The following CLIP1 variants were observed in gnomAD, a reference collection of about 807,000 sequenced individuals.
CLIP1 encodes the protein CAP-Gly domain-containing linker protein 1.
Under a neutral mutation model 161.6 loss-of-function variants are expected in CLIP1, and 66 were observed. The ratio of observed to expected loss-of-function variants is 0.41; its 90% CI spans 0.33 to 0.50. CLIP1 has a LOEUF of 0.50. Among genes scored for constraint, CLIP1 ranks in the 20% least tolerant of loss-of-function variants. The probability of loss-of-function intolerance (pLI) is 0.27; values close to 1 mark genes in which losing one functional copy is unlikely to be tolerated. For synonymous variants in CLIP1, 598 were observed against 626.2 expected, an observed-to-expected ratio of 0.96 and a Z score of 0.67; for missense variants, 1,376 against 1,702.0, an observed-to-expected ratio of 0.81 and a Z score of 3.37.
At position 122,414,343 on chromosome 12, in the gene CLIP1, T is replaced by C. The variant is rs1336673947; in HGVS notation, c.-107+8178A>G. ...TTTTAAGTTTTTGTAGAGACGGAAG[T>C]CTCAATGTGTTGCCCAGGCTGATCT... On this transcript the variant is annotated intron_variant, in intron 1 of 25. Coordinates refer to ENST00000620786, the MANE Select transcript of CLIP1 (RefSeq NM_001247997.2). 2.0e-5 allele frequency among the ~76,000 whole-genome samples: 3 copies of C among 151,774 alleles called. 1 individual carries two copies. The Admixed American group carries it at 2.0e-4, about 10-fold the overall frequency.
At chr12:122,335,645 A>G (rs954093404) in intron 12 of CLIP1, among the ~76,000 whole-genome samples, 34 of 152,026 alleles carry the variant, frequency 2.2e-4, no homozygotes, top group African/African-American at 7.5e-4. Flanking sequence ...CATCTCTACT[A>G]AAAATACAAA....
At chr12:122,405,256 A>C (rs1956285805) in intron 1 of CLIP1, among the ~76,000 whole-genome samples, 1 of 152,100 alleles carries the variant, frequency 6.6e-6, no homozygotes, top group African/African-American at 2.4e-5. Flanking sequence ...CATTGCCTAG[A>C]TTCACAAGGG....
At position 122,340,901 on chromosome 12, in the gene CLIP1, G is replaced by A. The variant is rs1393511642; in HGVS notation, c.2303C>T (p.Ala768Val). 1 of 1,614,148 alleles carries A rather than the reference G, an allele frequency of 6.2e-7. No homozygotes were observed. Among genetic ancestry groups the A allele is most frequent in the Admixed American group, 1.7e-5 (1 of 60,016 alleles). ...AAGATCCAAGAGCTTTTCTTCAGTA[G>A]CCTTGAGCTGTGATGTAAAATTATC... ...VIDNFTSQLK[A>V]TEEKLLDLDA... is the part of the protein sequence containing the mutation. Residue 768 changes from alanine (A) to valine (V), a missense_variant, in exon 11 of 26, where the codon GCT becomes GTT. Around this residue, in one of 6 missense-constraint regions of CLIP1, gnomAD observed 948 missense variants for 1,134.8 expected, o/e 0.84. Coordinates refer to ENST00000620786, the MANE Select transcript of CLIP1 (RefSeq NM_001247997.2).
At chr12:122,313,448 C>T (rs1431611363) in intron 19 of CLIP1, among the ~76,000 whole-genome samples, 2 of 152,128 alleles carry the variant, frequency 1.3e-5, no homozygotes, top group Non-Finnish European at 2.9e-5. Flanking sequence ...GTCACCTGGC[C>T]GGGCGTGGTG....
chr12:122,308,222 A>G (rs1460664027), intron 20 of CLIP1, among the ~76,000 whole-genome samples: 2 of 152,186 alleles, frequency 1.3e-5, no homozygotes, highest in African/African-American at 4.8e-5. Context: ...CAGTCCAGTT[A>G]AGGTCACAGC....
chr12:122,347,657 A>C (rs1952814355), intron 9 of CLIP1, among the ~76,000 whole-genome samples, 178 bp from the exon 10 acceptor site: 1 of 152,140 alleles, frequency 6.6e-6, no homozygotes, highest in African/African-American at 2.4e-5. Context: ...GAGGATGAAT[A>C]CCAGGGACAA....
At chr12:122,337,187 C>T (rs1203488355) in intron 11 of CLIP1, among the ~76,000 whole-genome samples, 1 of 151,784 alleles carries the variant, frequency 6.6e-6, no homozygotes, top group East Asian at 1.9e-4. Flanking sequence ...GTGGCTAATG[C>T]CTGTAATCCC....
chr12:122,364,798 GAA>G, intron 3 of CLIP1: 1 of 1,042,834 alleles, frequency 9.6e-7, no homozygotes, highest in South Asian at 1.2e-5. Flanking sequence ...AACACAAAGC[GAA>G]AGAGGAGAGG....
At chr12:122,380,283 A>T in intron 2 of CLIP1, 85 bp downstream of exon 2, 1 of 825,798 alleles carries the variant, frequency 1.2e-6, no homozygotes, top group Non-Finnish European at 1.9e-6. Context: ...CAAGAATATG[A>T]ACAGATATAA....
chr12:122,390,263 CACACAT>C (rs1955569150), intron 1 of CLIP1, among the ~76,000 whole-genome samples: 2 of 89,680 alleles, frequency 2.2e-5, no homozygotes, highest in South Asian at 4.3e-4. Context: ...CATATATACA[CACACAT>C]ATATATATAC....
intron 20 of CLIP1, among the ~76,000 whole-genome samples, chr12:122,302,671 C>T (rs1235901178): frequency 6.6e-6 from 1 of 151,684 alleles, no homozygotes; most frequent in Non-Finnish European, 1.5e-5. Flanking sequence ...GGTCTCGGCT[C>T]ACTGCAACCT....
In CLIP1 at chr12:122,328,348, C is replaced by T; in HGVS notation, c.2946G>A (p.Met982Ile). 3.7e-6 allele frequency: 6 copies of T among 1,613,936 alleles called. No individual in the cohort carries two copies. The highest frequency in any genetic ancestry group is 5.1e-6 in the Non-Finnish European group (6 of 1,179,956). Residue 982 changes from methionine to isoleucine, a missense_variant, in exon 16 of 26, where the codon ATG becomes ATA. By Grantham distance (10) the Met-to-Ile change is conservative. Around this residue, in one of 6 missense-constraint regions of CLIP1, gnomAD observed 948 missense variants for 1,134.8 expected, o/e 0.84. Coordinates refer to ENST00000620786, the MANE Select transcript of CLIP1 (RefSeq NM_001247997.2). Reference protein sequence around the residue: ...ASFLQKSIEDMTVKAEQSQQE... With the variant: ...ASFLQKSIEDITVKAEQSQQE... ...GCTGGCTCTGTTCAGCTTTGACAGT[C>T]ATGTCCTCAATACTTTTTTGCAGAA... is the stretch of plus-strand genomic sequence containing the variant.
At chr12:122,356,025 CTT>C (rs1953328696) in intron 5 of CLIP1, 1 of 152,220 alleles carries the variant, frequency 6.6e-6, no homozygotes, top group South Asian at 2.1e-4. Flanking sequence ...AGGATGCAGA[CTT>C]ACAGCGAGGA....
At chr12:122,275,310 C>T (rs1347849987) in intron 24 of CLIP1, 1 of 152,084 alleles carries the variant, frequency 6.6e-6, no homozygotes, top group Admixed American at 6.6e-5. Flanking sequence ...TGTTTTCATT[C>T]TACCACATAA....
intron 18 of CLIP1, among the ~76,000 whole-genome samples, chr12:122,317,692 G>A (rs1951324791): frequency 6.6e-6 from 1 of 152,218 alleles, no homozygotes; most frequent in Non-Finnish European, 1.5e-5. Context: ...AGAAAAGGGA[G>A]CTATCTCCTT....
intron 24 of CLIP1, chr12:122,276,965 CTTT>C: frequency 6.5e-6 from 1 of 153,932 alleles, no homozygotes; most frequent in South Asian, 1.9e-4. Context: ...CCCACCCCAC[CTTT>C]TTTTTTTCTG....
At chr12:122,351,021 G>T in intron 9 of CLIP1, 90 bp downstream of exon 9, 1 of 947,620 alleles carries the variant, frequency 1.1e-6, no homozygotes, top group Non-Finnish European at 1.6e-6. Flanking sequence ...AGATTATGCA[G>T]TTAGTGTTTG....
In CLIP1 at chr12:122,377,868, C is replaced by A. The variant is rs761395847; in HGVS notation, c.178G>T (p.Val60Phe). The A allele has an allele frequency of 7.3e-5, 118 of 1,613,882 alleles. No individual in the cohort carries two copies. Among genetic ancestry groups the A allele is most frequent in the Non-Finnish European group, 9.3e-5 (110 of 1,180,030 alleles). Residue 60 changes from valine (V) to phenylalanine (F), a missense_variant, in exon 3 of 26, where the codon GTT becomes TTT. Transcript: ENST00000620786. ...TQEEFVDDFR[V>F]GERVWVNGNK... is the part of the protein sequence containing the mutation. ...CCATTCACCCAAACTCGCTCCCCAA[C>A]TCGAAAGTCATCCACAAATTCCTCC...
intron 5 of CLIP1, chr12:122,360,753 T>A: frequency 1.9e-6 from 1 of 537,496 alleles, no homozygotes; most frequent in Non-Finnish European, 3.3e-6. Context: ...AAAGGGACTA[T>A]TAAAAGCACT....
Sources: gnomAD v4.1 joint callset for allele counts (sites outside exome capture counted in the v4.1 genomes callset) on GRCh38, gnomAD v4.1.1 for gene constraint, gnomAD v4.1.1 regional missense constraint, MANE v1.5 for transcripts, NCBI Gene and HGNC (gene_info 2026-07-23, HGNC 2026-07-21) for gene names.